The following ELMO1 variants were observed in gnomAD, a reference collection of about 807,000 sequenced individuals.
ELMO1 encodes the protein engulfment and cell motility 1, also known as engulfment and cell motility protein 1.
A neutral mutation model predicts 98.9 loss-of-function variants in ELMO1; 26 were observed. The ratio of observed to expected loss-of-function variants is 0.26; its 90% CI spans 0.19 to 0.36. The LOEUF (loss-of-function observed/expected upper bound fraction) is 0.36, where lower values mean the gene tolerates loss of function less well. Ranked by LOEUF, ELMO1 falls within the 10% of genes least tolerant of loss-of-function variation. ELMO1 has a pLI of 1.00. For missense variants in ELMO1, 627 were observed against 935.2 expected (o/e 0.67, Z 4.30); for synonymous variants, 346 against 346.0 (o/e 1.00, Z 0.00).
intron 4 of ELMO1, among the ~76,000 whole-genome samples, chr7:37,309,575 G>A (rs1298468517): frequency 6.6e-6 from 1 of 152,222 alleles, no homozygotes; most frequent in Non-Finnish European, 1.5e-5. Context: ...CAGCACGAAA[G>A]GGAATGTTGT....
chr7:37,005,119 A>AAG (rs1792965599), intron 16 of ELMO1, among the ~76,000 whole-genome samples: 1 of 149,976 alleles, frequency 6.7e-6, no homozygotes, highest in Non-Finnish European at 1.5e-5. Context: ...AAAAAAAAAA[A>AAG]AAAAAAAAAA....
intron 1 of ELMO1, among the ~76,000 whole-genome samples, chr7:37,343,482 CATTTCTT>C: frequency 7.1e-6 from 1 of 141,360 alleles, no homozygotes. Context: ...CAGGCTAGCC[CATTTCTT>C]TTTTTTTTTT....
rs145091778 is a variant in ELMO1 at position 36,870,101 on chromosome 7, G to A, written c.1905+292C>T. Among the ~76,000 whole-genome samples, 7 of 152,308 alleles carry A rather than the reference G, an allele frequency of 4.6e-5. No individual in the cohort carries two copies. The highest frequency in any genetic ancestry group is 3.3e-4 in the Admixed American group (5 of 15,306). On this transcript the variant is annotated intron_variant, in intron 20 of 21. Coordinates refer to ENST00000310758, the MANE Select transcript of ELMO1 (RefSeq NM_014800.11). This position sits in a 1 kb window ranked among gnomAD's most constrained non-coding sequence, Gnocchi z 4.4. ...CAGGGAATGGACGGATGAGCAGAGCGGGCTCAAGAGAGGACAAAGTGACAA... is the reference window on the plus strand; with the variant it reads ...CAGGGAATGGACGGATGAGCAGAGCAGGCTCAAGAGAGGACAAAGTGACAA...
intron 1 of ELMO1, among the ~76,000 whole-genome samples, chr7:37,403,658 C>T (rs965814011): frequency 2.6e-5 from 4 of 152,156 alleles, no homozygotes; most frequent in Non-Finnish European, 4.4e-5. Flanking sequence ...AATCCTCACA[C>T]CTCAACCTCC....
At chr7:37,181,448 T>TGCAG in intron 13 of ELMO1, among the ~76,000 whole-genome samples, 1 of 152,190 alleles carries the variant, frequency 6.6e-6, no homozygotes, top group Non-Finnish European at 1.5e-5. Context: ...CTCTGTCTTG[T>TGCAG]ATTTGCAGAT....
intron 8 of ELMO1, among the ~76,000 whole-genome samples, chr7:37,228,998 A>T (rs1470980481): frequency 9.2e-5 from 14 of 152,144 alleles, no homozygotes; most frequent in Non-Finnish European, 7.4e-5. Context: ...TCTCAAAAAC[A>T]AAACAAAACA....
chr7:37,162,710 G>T (rs539083522), intron 13 of ELMO1, among the ~76,000 whole-genome samples: 1 of 151,970 alleles, frequency 6.6e-6, no homozygotes, highest in East Asian at 1.9e-4. Context: ...TGAAGAAACC[G>T]GCAAAAAAAT....
At chr7:37,111,539 T>C (rs1785251178) in intron 14 of ELMO1, among the ~76,000 whole-genome samples, 1 of 152,334 alleles carries the variant, frequency 6.6e-6, no homozygotes, top group East Asian at 1.9e-4. Context: ...ACTAGCATAC[T>C]ACCAAATTCA....
rs540972830 is a variant in ELMO1, at chr7:36,997,119, A to T, written c.1437+16180T>A. On this transcript the variant is annotated intron_variant, in intron 16 of 21. Transcript: ENST00000310758. The stretch of plus-strand genomic sequence containing the variant: ...AAAACAAACACATCGTCTACACAAG[A>T]GATGATGGTGGCGGGAAGGCAGGAT... 7.9e-5 allele frequency among the ~76,000 whole-genome samples: 12 copies of T among 152,250 alleles called. No homozygotes were observed. The East Asian group carries it at 1.9e-3, about 25-fold the overall frequency.
chr7:37,235,114 C>T (rs185524949), intron 7 of ELMO1, among the ~76,000 whole-genome samples: 1 of 152,170 alleles, frequency 6.6e-6, no homozygotes, highest in African/African-American at 2.4e-5. Context: ...AAGAACAGAA[C>T]ATTAGAAAGA....
chr7:36,906,302 TTA>T (rs150231670), intron 16 of ELMO1, among the ~76,000 whole-genome samples: 2,699 of 152,336 alleles, frequency 0.018, 71 homozygotes, highest in African/African-American at 0.062. Flanking sequence ...CAAGAAAATA[TTA>T]TGTTTTCACC....
chr7:37,386,085 A>G (rs956902496), intron 1 of ELMO1, among the ~76,000 whole-genome samples: 2 of 151,514 alleles, frequency 1.3e-5, no homozygotes, highest in African/African-American at 4.9e-5. Flanking sequence ...AAGTGCCTGC[A>G]ACCCACAGTG....
intron 16 of ELMO1, among the ~76,000 whole-genome samples, chr7:36,909,210 A>G (rs1462925656): frequency 6.6e-6 from 1 of 152,264 alleles, no homozygotes; most frequent in Non-Finnish European, 1.5e-5. Context: ...AGTAATGCAT[A>G]GCTCCTATTG....
intron 13 of ELMO1, among the ~76,000 whole-genome samples, chr7:37,189,110 T>C (rs755101645): frequency 7.2e-5 from 11 of 152,168 alleles, no homozygotes; most frequent in Non-Finnish European, 1.5e-4. Flanking sequence ...CATTCAAAAA[T>C]AAGAAATTGT....
chr7:36,880,759 G>T (rs1238416766), intron 18 of ELMO1, among the ~76,000 whole-genome samples: 1 of 152,176 alleles, frequency 6.6e-6, no homozygotes, highest in East Asian at 1.9e-4. Flanking sequence ...AGAAAAATAG[G>T]AATGCAGAAA....
intron 13 of ELMO1, among the ~76,000 whole-genome samples, chr7:37,159,570 T>C (rs1789051731): frequency 6.6e-6 from 1 of 152,038 alleles, no homozygotes; most frequent in South Asian, 2.1e-4. Flanking sequence ...CGTGGTGGTG[T>C]GCACCTATAG....
intron 16 of ELMO1, among the ~76,000 whole-genome samples, chr7:36,940,026 G>T (rs1584406035): frequency 6.6e-6 from 1 of 152,202 alleles, no homozygotes; most frequent in East Asian, 1.9e-4. Flanking sequence ...ACAGGATTTT[G>T]GGTGTGGAAA....
At chr7:37,162,957 A>C (rs1199485303) in intron 13 of ELMO1, among the ~76,000 whole-genome samples, 2 of 152,206 alleles carry the variant, frequency 1.3e-5, no homozygotes, top group African/African-American at 4.8e-5. Flanking sequence ...CTGAATAAAT[A>C]ATCCTTGTTC....
intron 14 of ELMO1, among the ~76,000 whole-genome samples, chr7:37,114,638 T>C (rs926363654): frequency 2.0e-5 from 3 of 152,006 alleles, no homozygotes; most frequent in African/African-American, 7.2e-5. Flanking sequence ...AAAATATCAA[T>C]GAGGAATTCA....
Sources: allele counts gnomAD v4.1 joint callset (sites outside exome capture counted in the v4.1 genomes callset), GRCh38; gene constraint gnomAD v4.1.1; non-coding constraint Gnocchi (gnomAD v3.1); transcripts MANE v1.5; gene names NCBI Gene and HGNC (gene_info 2026-07-23, HGNC 2026-07-21).